Variants in RALGAPA2 observed in about 807,000 individuals in gnomAD.
The protein encoded by RALGAPA2 is Ral GTPase activating protein catalytic subunit alpha 2.
Under a neutral mutation model 230.4 loss-of-function variants are expected in RALGAPA2, and 139 were observed. The observed-to-expected ratio is 0.60, with a 90% CI of 0.53 to 0.69. RALGAPA2 has a LOEUF of 0.69. RALGAPA2 is among the 30% of genes least tolerant of loss of function. RALGAPA2 has a pLI of 0.00. For synonymous variants in RALGAPA2, 847 were observed against 837.8 expected (o/e 1.01, Z -0.19); for missense variants, 2,163 against 2,276.0 (o/e 0.95, Z 1.01).
chr20:20,479,912 A>G (rs1047337635), intron 36 of RALGAPA2, among the ~76,000 whole-genome samples: 19 of 152,258 alleles, frequency 1.2e-4, no homozygotes, highest in African/African-American at 4.3e-4. Context: ...AAGAGTGTTT[A>G]TCAAAGTCAA....
intron 23 of RALGAPA2, among the ~76,000 whole-genome samples, chr20:20,568,996 G>A (rs1461878384): frequency 1.3e-5 from 2 of 152,026 alleles, no homozygotes; most frequent in African/African-American, 4.8e-5. Flanking sequence ...ATAGAAAGAA[G>A]CCCTGAGATG....
At chr20:20,486,831 C>T (rs1483009645) in intron 36 of RALGAPA2, among the ~76,000 whole-genome samples, 2 of 152,170 alleles carry the variant, frequency 1.3e-5, no homozygotes, top group African/African-American at 2.4e-5. Context: ...CTCACAATTC[C>T]TCTCCTTGGC....
chr20:20,493,373 GA>G (rs2062114571), intron 36 of RALGAPA2, among the ~76,000 whole-genome samples: 1 of 152,186 alleles, frequency 6.6e-6, no homozygotes, highest in Admixed American at 6.5e-5. Context: ...AAAATATTAA[GA>G]AAGCGATTTG....
chr20:20,653,679 A>G lies in RALGAPA2; in HGVS notation c.271-92T>C, dbSNP rs528761051. 3.3e-5 allele frequency: 23 copies of G among 693,990 alleles called. No individual in the cohort carries two copies. In the South Asian group the frequency reaches 4.3e-4, roughly 13 times the overall value. 43.0% of individuals were successfully genotyped at this position (693,990 alleles called of 1,614,324 possible). On this transcript the variant is annotated intron_variant, in intron 3 of 39. Transcript: ENST00000202677. ...ATTACTCACTGTAGGTAAGTTCTAG[A>G]AGAGGAAAAGGAAACTATGTACAAT...
At chr20:20,538,600 A>AT (rs1403067396) in intron 24 of RALGAPA2, among the ~76,000 whole-genome samples, 3 of 152,230 alleles carry the variant, frequency 2.0e-5, no homozygotes, top group Non-Finnish European at 4.4e-5. Context: ...ATTTCCCAAA[A>AT]TTATTTGACT....
chr20:20,629,320 AAC>A (rs11467035), intron 10 of RALGAPA2, 41 bp downstream of exon 10: 85,057 of 1,077,842 alleles, frequency 0.079, 252 homozygotes, highest in Non-Finnish European at 0.083. Flanking sequence ...AAGAACTTGT[AAC>A]ACACACACAC....
At chr20:20,492,932 A>AAT (rs759996471) in intron 36 of RALGAPA2, among the ~76,000 whole-genome samples, 2 of 152,244 alleles carry the variant, frequency 1.3e-5, no homozygotes, top group Admixed American at 6.5e-5. Context: ...AAGCTGAAGC[A>AAT]ATATAACAAA....
In RALGAPA2 at chr20:20,620,600, C is replaced by T. The variant is rs772481546; in HGVS notation, c.1264G>A (p.Val422Ile). ...AFLLPSCEIAVTRKVVQVYRK... is the reference protein window; with the variant it reads ...AFLLPSCEIAITRKVVQVYRK... ...TACACTTGAACTACTTTTCTTGTTA[C>T]AGCTATCTCACAGGAAGGCAACAAA... The change falls in exon 11 of 40, where the codon GTA becomes ATA. Residue 422 changes from valine to isoleucine, a missense_variant. Physicochemically the swap from Val to Ile is conservative, Grantham distance 29. Coordinates refer to ENST00000202677, the MANE Select transcript of RALGAPA2 (RefSeq NM_020343.4). The T allele has an allele frequency of 1.2e-6, 2 of 1,611,696 alleles. No individual in the cohort carries two copies. Among genetic ancestry groups the T allele is most frequent in the East Asian group, 2.2e-5 (1 of 44,856 alleles).
intron 23 of RALGAPA2, among the ~76,000 whole-genome samples, chr20:20,560,255 C>T (rs943209528): frequency 3.3e-5 from 5 of 152,198 alleles, no homozygotes; most frequent in African/African-American, 1.2e-4. Flanking sequence ...AACTAGACTC[C>T]AGCACACAGG....
chr20:20,573,302 G>A (rs969171875), intron 20 of RALGAPA2, among the ~76,000 whole-genome samples: 2 of 152,180 alleles, frequency 1.3e-5, no homozygotes, highest in Admixed American at 6.5e-5. Context: ...AGTTCCTGGA[G>A]ACCCTGTGAT....
chr20:20,439,635 T>C (rs1213534545), intron 37 of RALGAPA2, among the ~76,000 whole-genome samples: 2 of 152,186 alleles, frequency 1.3e-5, no homozygotes, highest in African/African-American at 2.4e-5. Flanking sequence ...GGGAGGGTGA[T>C]GGGATTATCC....
At chr20:20,637,567 A>ACT (rs2066897629) in intron 7 of RALGAPA2, 66 bp from the exon 8 acceptor site, 1 of 1,366,910 alleles carries the variant, frequency 7.3e-7, no homozygotes, top group Non-Finnish European at 9.8e-7. Flanking sequence ...TACTAAACTG[A>ACT]AGTGTTGTTA....
chr20:20,442,128 T>C (rs2060753071), intron 37 of RALGAPA2, among the ~76,000 whole-genome samples: 1 of 152,186 alleles, frequency 6.6e-6, no homozygotes, highest in African/African-American at 2.4e-5. Context: ...GTGAATTCAC[T>C]TCTCACTTGA....
At chr20:20,625,145 GTTC>G (rs2066451802) in intron 10 of RALGAPA2, among the ~76,000 whole-genome samples, 1 of 151,982 alleles carries the variant, frequency 6.6e-6, no homozygotes, top group Non-Finnish European at 1.5e-5. Context: ...CCACCTGTTT[GTTC>G]TTCTACACCT....
At chr20:20,413,808 C>A (rs2060112317) in intron 37 of RALGAPA2, among the ~76,000 whole-genome samples, 1 of 152,248 alleles carries the variant, frequency 6.6e-6, no homozygotes, top group Admixed American at 6.5e-5. Context: ...CCGCCCAAGG[C>A]CTGGGCAGCA....
At chr20:20,422,501 G>A (rs946814456) in intron 37 of RALGAPA2, among the ~76,000 whole-genome samples, 14 of 152,104 alleles carry the variant, frequency 9.2e-5, no homozygotes, top group African/African-American at 3.1e-4. Context: ...AGCCTGGGAA[G>A]TTGAGGCTGC....
chr20:20,415,730 A>C (rs1490949213), intron 37 of RALGAPA2, among the ~76,000 whole-genome samples: 1 of 152,222 alleles, frequency 6.6e-6, no homozygotes, highest in Non-Finnish European at 1.5e-5. Context: ...CTAGAATAAA[A>C]AATAAAAAAA....
intron 24 of RALGAPA2, among the ~76,000 whole-genome samples, chr20:20,541,879 C>G (rs967101112): frequency 6.6e-6 from 1 of 152,158 alleles, no homozygotes; most frequent in African/African-American, 2.4e-5. Flanking sequence ...AGGAAACTCT[C>G]TTGGTAAATA....
At chr20:20,419,606 G>T (rs2060235605) in intron 37 of RALGAPA2, among the ~76,000 whole-genome samples, 1 of 152,214 alleles carries the variant, frequency 6.6e-6, no homozygotes, top group South Asian at 2.1e-4. Context: ...ACCTGTAGGG[G>T]AGGGGGATAA....
Sources: allele counts gnomAD v4.1 joint callset (sites outside exome capture counted in the v4.1 genomes callset), GRCh38; gene constraint gnomAD v4.1.1; transcripts MANE v1.5; gene names NCBI Gene and HGNC (gene_info 2026-07-23, HGNC 2026-07-21).